Variants in NAV3 observed in about 807,000 individuals in gnomAD.
NAV3 encodes the protein pore membrane and/or filament interacting like protein 1.
A neutral mutation model predicts 244.7 loss-of-function variants in NAV3; 87 were observed. The observed-to-expected ratio is 0.36, with a 90% CI of 0.30 to 0.42. The LOEUF (loss-of-function observed/expected upper bound fraction) is 0.42, where lower values mean the gene tolerates loss of function less well. Ranked by LOEUF, NAV3 falls within the 20% of genes least tolerant of loss-of-function variation. NAV3 has a pLI of 1.00. For missense variants in NAV3, 2,663 were observed against 2,893.3 expected, an observed-to-expected ratio of 0.92 and a Z score of 1.83; for synonymous variants, 1,126 against 1,042.2, an observed-to-expected ratio of 1.08 and a Z score of -1.55.
chr12:78,066,417 ATT>A (rs1222075764), intron 12 of NAV3, among the ~76,000 whole-genome samples: 1 of 152,122 alleles, frequency 6.6e-6, no homozygotes, highest in Non-Finnish European at 1.5e-5. Context: ...AGAAGTCAAA[ATT>A]AGGTTACGTA....
intron 39 of NAV3, 84 bp from the exon 40 acceptor site, chr12:78,210,314 C>G (rs918283937): frequency 7.0e-6 from 11 of 1,574,062 alleles, no homozygotes; most frequent in African/African-American, 1.4e-5. Context: ...GATAGCTCTT[C>G]GGTGTGGCTC....
chr12:77,765,112 T>C (rs1440627913), intron 2 of NAV3, among the ~76,000 whole-genome samples: 1 of 152,242 alleles, frequency 6.6e-6, no homozygotes, highest in Non-Finnish European at 1.5e-5. Context: ...CTAAAATCTT[T>C]TTGAAAGAAC....
At chr12:77,582,305 C>T (rs561992270) in intron 2 of NAV3, among the ~76,000 whole-genome samples, 30 of 152,284 alleles carry the variant, frequency 2.0e-4, no homozygotes, top group South Asian at 4.1e-4. Context: ...ATGCCACATG[C>T]GTTGGCATAT....
At chr12:77,620,104 G>A (rs932357025) in intron 2 of NAV3, among the ~76,000 whole-genome samples, 5 of 152,036 alleles carry the variant, frequency 3.3e-5, no homozygotes, top group African/African-American at 1.2e-4. Context: ...ATAATTTTTG[G>A]AAAGACTACA....
intron 2 of NAV3, among the ~76,000 whole-genome samples, chr12:77,687,498 G>C (rs751635446): frequency 6.6e-6 from 1 of 152,008 alleles, no homozygotes; most frequent in Non-Finnish European, 1.5e-5. Context: ...TGAATCTGTG[G>C]ACAATCCAGA....
chr12:77,697,251 C>G (rs754970618), intron 2 of NAV3, among the ~76,000 whole-genome samples: 8 of 152,120 alleles, frequency 5.3e-5, no homozygotes, highest in Non-Finnish European at 1.0e-4. Context: ...ACCATGTAGT[C>G]ATCCACCCCC....
At chr12:78,152,776 G>C (rs917039740) in intron 22 of NAV3, among the ~76,000 whole-genome samples, 1 of 151,866 alleles carries the variant, frequency 6.6e-6, no homozygotes, top group Admixed American at 6.6e-5. Context: ...ATATAATCAA[G>C]GATTTTTTAA....
intron 1 of NAV3, among the ~76,000 whole-genome samples, chr12:77,894,550 A>G (rs188343180): frequency 1.5e-3 from 196 of 129,306 alleles, no homozygotes; most frequent in Admixed American, 0.014. Flanking sequence ...AATTATCGAG[A>G]TTTGATTACT....
intron 2 of NAV3, among the ~76,000 whole-genome samples, chr12:77,671,738 T>C (rs1873983938): frequency 6.6e-6 from 1 of 152,090 alleles, no homozygotes; most frequent in Admixed American, 6.6e-5. Flanking sequence ...TTTTCATCTC[T>C]CAGCTTATAC....
chr12:77,597,008 C>A (rs1477859333), intron 2 of NAV3, among the ~76,000 whole-genome samples: 1 of 152,064 alleles, frequency 6.6e-6, no homozygotes, highest in Non-Finnish European at 1.5e-5. Flanking sequence ...CATCCTTTGC[C>A]AAGCCAAGAG....
At chr12:77,738,919 G>A (rs1490439789) in intron 2 of NAV3, among the ~76,000 whole-genome samples, 2 of 148,342 alleles carry the variant, frequency 1.3e-5, no homozygotes, top group African/African-American at 4.9e-5. Flanking sequence ...GGCTCAGGCA[G>A]GAGAATGGCG....
chr12:78,127,011 C>G (rs1955938513), intron 16 of NAV3, among the ~76,000 whole-genome samples, 156 bp from the exon 17 acceptor site: 1 of 152,168 alleles, frequency 6.6e-6, no homozygotes, highest in Admixed American at 6.5e-5. Context: ...CAATGGACAT[C>G]TTGTCACCTT....
chr12:77,854,538 A>G (rs1231394985), intron 1 of NAV3, among the ~76,000 whole-genome samples: 2 of 152,038 alleles, frequency 1.3e-5, no homozygotes, highest in Non-Finnish European at 2.9e-5. Context: ...TGAAGAAGGT[A>G]GGAAATAAAG....
At chr12:77,740,175 T>C (rs968724063) in intron 2 of NAV3, among the ~76,000 whole-genome samples, 5 of 152,206 alleles carry the variant, frequency 3.3e-5, no homozygotes, top group Admixed American at 1.3e-4. Context: ...GAACTGAACA[T>C]GACCATTATA....
chr12:77,880,387 A>G (rs567578750), intron 1 of NAV3, among the ~76,000 whole-genome samples: 2 of 152,270 alleles, frequency 1.3e-5, no homozygotes, highest in African/African-American at 4.8e-5. Context: ...TAGAGGCTCT[A>G]TTTGGGGTAG....
intron 23 of NAV3, among the ~76,000 whole-genome samples, chr12:78,164,849 G>T (rs76695281): frequency 6.6e-6 from 1 of 152,130 alleles, no homozygotes; most frequent in East Asian, 1.9e-4. Context: ...TTGCCTAGAA[G>T]GTCAAGTTAG....
rs1440576432 is a variant in NAV3, at chr12:77,730,540, TAA to T, written c.72+158276_72+158277del. Among the ~76,000 whole-genome samples the T allele has an allele frequency of 2.0e-5, 3 of 152,068 alleles. No individual in the cohort carries two copies. The East Asian group carries it at 5.8e-4, about 29-fold the overall frequency. On this transcript the variant is annotated intron_variant, in intron 2 of 8. Coordinates refer to the NAV3 transcript ENST00000550042. ...CTAGTATTCTAATTTATATATCCAA[TAA>T]ATGTTTATTGAGCATTGTTATGTGT...
chr12:77,900,244 T>C (rs1885119448), intron 1 of NAV3, among the ~76,000 whole-genome samples: 1 of 151,820 alleles, frequency 6.6e-6, no homozygotes, highest in Non-Finnish European at 1.5e-5. Flanking sequence ...GCCCAGCTAA[T>C]TTTTTGTATT....
chr12:78,180,328 T>C (rs544044927), intron 29 of NAV3, among the ~76,000 whole-genome samples: 1 of 152,224 alleles, frequency 6.6e-6, no homozygotes, highest in East Asian at 1.9e-4. Flanking sequence ...ACTGTATATG[T>C]TCATCTAAAG....
Sources: gnomAD v4.1 joint callset for allele counts (sites outside exome capture counted in the v4.1 genomes callset) on GRCh38, gnomAD v4.1.1 for gene constraint, MANE v1.5 for transcripts, NCBI Gene and HGNC (gene_info 2026-07-23, HGNC 2026-07-21) for gene names.